Variants in CCDC83 observed in about 807,000 individuals in gnomAD.
CCDC83 encodes coiled-coil domain containing 83.
A neutral mutation model predicts 50.1 loss-of-function variants in CCDC83; 54 were observed. That is an observed-to-expected ratio of 1.08 (90% confidence interval 0.87 to 1.35). The LOEUF is 1.35. Ranked by LOEUF, CCDC83 falls within the 40% of genes most tolerant of loss-of-function variation. The probability of loss-of-function intolerance (pLI) is 0.00; values close to 1 mark genes in which losing one functional copy is unlikely to be tolerated. For missense variants in CCDC83, 518 were observed against 473.9 expected, an observed-to-expected ratio of 1.09 and a Z score of -0.86; for synonymous variants, 161 against 153.3, an observed-to-expected ratio of 1.05 and a Z score of -0.37.
At chr11:85,856,757 C>T (rs1258682899) in intron 1 of CCDC83, among the ~76,000 whole-genome samples, 3 of 152,138 alleles carry the variant, frequency 2.0e-5, no homozygotes, top group Non-Finnish European at 2.9e-5. Flanking sequence ...TATTTCCAAA[C>T]CGGGCAAATT....
At chr11:85,899,138 AAATT>A in intron 7 of CCDC83, 123 bp downstream of exon 7, 1 of 665,706 alleles carries the variant, frequency 1.5e-6, no homozygotes, top group Non-Finnish European at 2.6e-6. Flanking sequence ...AGACAAAATA[AAATT>A]CAAGTGGAGT....
intron 7 of CCDC83, among the ~76,000 whole-genome samples, chr11:85,906,511 C>T (rs1204146374): frequency 6.6e-6 from 1 of 152,070 alleles, no homozygotes; most frequent in Admixed American, 6.6e-5. Flanking sequence ...CTGCTTCTCA[C>T]AGTTCAATGG....
At chr11:85,908,759 A>C (rs1188837307) in intron 7 of CCDC83, among the ~76,000 whole-genome samples, 1 of 151,994 alleles carries the variant, frequency 6.6e-6, no homozygotes, top group East Asian at 1.9e-4. Context: ...TACCAAAAAA[A>C]AAAAAAAAGA....
chr11:85,919,262 C>A, intron 10 of CCDC83, 87 bp from the exon 11 acceptor site: 1 of 1,259,600 alleles, frequency 7.9e-7, no homozygotes, highest in Non-Finnish European at 1.1e-6. Flanking sequence ...CAGATAAAGG[C>A]CAACTGTAAT....
intron 1 of CCDC83, among the ~76,000 whole-genome samples, chr11:85,856,184 CAAA>C (rs370054964): frequency 1.2e-4 from 11 of 94,858 alleles, no homozygotes; most frequent in Admixed American, 3.5e-4. Context: ...CTATCTAAGC[CAAA>C]AAAAAAAAAA....
chr11:85,904,127 G>A (rs987127413), intron 7 of CCDC83, among the ~76,000 whole-genome samples: 2 of 152,226 alleles, frequency 1.3e-5, no homozygotes, highest in African/African-American at 4.8e-5. Context: ...GTGCCAGGGA[G>A]CATGAAAGGG....
chr11:85,911,415 A>T lies in CCDC83; in HGVS notation c.794+13A>T. ...TCAAGATACCCAGGTGAAAATTGTT[A>T]ATATATAGAGAGTATTTTGTAAACA... On this transcript the variant is annotated intron_variant, in intron 8 of 10. Transcript: ENST00000342404. The T allele has an allele frequency of 6.3e-7, 1 of 1,575,374 alleles. No homozygotes were observed. The highest frequency in any genetic ancestry group is 2.3e-5 in the East Asian group (1 of 43,556).
chr11:85,915,482 G>C lies in CCDC83; in HGVS notation c.858G>C (p.Leu286Phe). The C allele has an allele frequency of 6.2e-7, 1 of 1,610,952 alleles. No homozygotes were observed. Among genetic ancestry groups the C allele is most frequent in the Non-Finnish European group, 8.5e-7 (1 of 1,177,684 alleles). ...CACCTGAAGAAATGTCTTTGGAATT[G>C]CCAGAAACACATATAGGTATTACTT... ...EVPPEEMSLE[L>F]PETHIEEKSE... The change falls in exon 9 of 11, where the codon TTG (leucine) becomes TTC (phenylalanine). Residue 286 changes from leucine (L) to phenylalanine (F), a missense_variant. By Grantham distance (22) the Leu-to-Phe change is conservative. Transcript: ENST00000342404.
At chr11:85,868,323 A>G (rs1221812431) in intron 2 of CCDC83, among the ~76,000 whole-genome samples, 1 of 152,220 alleles carries the variant, frequency 6.6e-6, no homozygotes, top group Admixed American at 6.6e-5. Context: ...CGTGAGTGAA[A>G]AAATGGAGAT....
intron 7 of CCDC83, among the ~76,000 whole-genome samples, chr11:85,904,622 G>T (rs1475926643): frequency 2.6e-5 from 4 of 152,184 alleles, no homozygotes; most frequent in Admixed American, 1.3e-4. Context: ...ACTGATGTGT[G>T]TCCTCGTCTC....
At chr11:85,867,386 C>T (rs910095638) in intron 2 of CCDC83, among the ~76,000 whole-genome samples, 3 of 152,106 alleles carry the variant, frequency 2.0e-5, no homozygotes, top group Admixed American at 6.6e-5. Flanking sequence ...AAAAAATGTA[C>T]CATAAAAGAT....
chr11:85,863,934 G>A (rs566617226), intron 1 of CCDC83, among the ~76,000 whole-genome samples: 29 of 152,312 alleles, frequency 1.9e-4, no homozygotes, highest in Admixed American at 1.6e-3. Context: ...ACTATGCTAG[G>A]TGCTTTAAAT....
chr11:85,857,706 C>T (rs1231354329), intron 1 of CCDC83, among the ~76,000 whole-genome samples: 1 of 152,284 alleles, frequency 6.6e-6, no homozygotes, highest in East Asian at 1.9e-4. Flanking sequence ...GGGCCACAGA[C>T]GTGATGATTG....
chr11:85,903,549 C>A (rs141567739), intron 7 of CCDC83, among the ~76,000 whole-genome samples: 3,140 of 152,076 alleles, frequency 0.021, 46 homozygotes, highest in Middle Eastern at 0.058. Flanking sequence ...GTGATCCACC[C>A]GCCTCGGCCT....
chr11:85,911,242 C>G lies in CCDC83; in HGVS notation c.673-39C>G, dbSNP rs150456225. 3.7e-4 allele frequency: 523 copies of G among 1,416,936 alleles called. 1 individual carries two copies. The African/African-American group carries it at 7.1e-3, about 19-fold the overall frequency. 87.8% of individuals were successfully genotyped at this position (1,416,936 alleles called of 1,614,324 possible). A position where few individuals can be genotyped will look rare whatever the true frequency, so the allele number is the denominator to read the frequency against. On this transcript the variant is annotated intron_variant, in intron 7 of 10. Coordinates refer to ENST00000342404, the MANE Select transcript of CCDC83 (RefSeq NM_001286159.2). ...AAAAGAAAACTTAATAGAACTGAAT[C>G]AATAAGTACCAACATTCATTCTCTT... is the stretch of plus-strand genomic sequence containing the variant.
At chr11:85,891,752 T>C (rs1388590708) in intron 5 of CCDC83, among the ~76,000 whole-genome samples, 1 of 152,222 alleles carries the variant, frequency 6.6e-6, no homozygotes, top group Non-Finnish European at 1.5e-5. Flanking sequence ...TTTCCATGTC[T>C]TGTCTAATCC....
Position 85,894,106 on chromosome 11 carries a change from C to T in CCDC83, c.512-1187C>T, listed in dbSNP as rs189675376. Among the ~76,000 whole-genome samples the T allele has an allele frequency of 1.8e-3, 280 of 152,174 alleles. 4 individuals are homozygous for T. Among genetic ancestry groups the T allele is most frequent in the African/African-American group, 6.5e-3 (268 of 41,530 alleles). On this transcript the variant is annotated intron_variant, in intron 5 of 10. Transcript: ENST00000342404. ...CATATGTAATGCACTTGAATCATCC[C>T]AAAACCATCCCCCTCTGCCACCCAG...
intron 2 of CCDC83, among the ~76,000 whole-genome samples, chr11:85,868,091 T>C (rs1566070344): frequency 6.6e-6 from 1 of 152,254 alleles, no homozygotes; most frequent in Admixed American, 6.5e-5. Flanking sequence ...AGATAGTTAA[T>C]TCATGGTTTT....
At chr11:85,877,588 G>A (rs1213080996) in intron 3 of CCDC83, among the ~76,000 whole-genome samples, 2 of 152,130 alleles carry the variant, frequency 1.3e-5, no homozygotes, top group African/African-American at 4.8e-5. Context: ...TTTATTTTAA[G>A]AAGTATTGTG....
Sources: allele counts gnomAD v4.1 joint callset (sites outside exome capture counted in the v4.1 genomes callset), GRCh38; gene constraint gnomAD v4.1.1; transcripts MANE v1.5; gene names NCBI Gene and HGNC (gene_info 2026-07-23, HGNC 2026-07-21).